KIF6: variants seen among roughly 807,000 people sequenced by gnomAD.
KIF6 encodes kinesin-like protein KIF6.
A neutral mutation model predicts 112.7 loss-of-function variants in KIF6; 106 were observed. The ratio of observed to expected loss-of-function variants is 0.94; its 90% confidence interval spans 0.80 to 1.11. The LOEUF is 1.11. KIF6 is among the 50% of genes least tolerant of loss of function. KIF6 has a pLI of 0.00. For missense variants in KIF6, 929 were observed against 964.0 expected, an observed-to-expected ratio of 0.96 and a Z score of 0.48; for synonymous variants, 339 against 339.9, an observed-to-expected ratio of 1.00 and a Z score of 0.03.
At chr6:39,351,931 C>T (rs924555230) in intron 19 of KIF6, among the ~76,000 whole-genome samples, 8 of 152,070 alleles carry the variant, frequency 5.3e-5, no homozygotes, top group African/African-American at 7.2e-5. Flanking sequence ...GAGAGGGCTC[C>T]GTGTGTGGAA....
At chr6:39,421,748 T>C (rs543239203) in intron 14 of KIF6, among the ~76,000 whole-genome samples, 19 of 152,264 alleles carry the variant, frequency 1.2e-4, no homozygotes, top group African/African-American at 4.6e-4. Context: ...TCATCGTAGA[T>C]TATGTATGTT....
chr6:39,651,597 A>C (rs1300689400), intron 3 of KIF6, among the ~76,000 whole-genome samples: 1 of 152,174 alleles, frequency 6.6e-6, no homozygotes, highest in African/African-American at 2.4e-5. Flanking sequence ...TTAAGTTATG[A>C]GCCTTTTTCT....
chr6:39,557,011 T>C (rs922754543), intron 10 of KIF6, among the ~76,000 whole-genome samples: 14 of 152,150 alleles, frequency 9.2e-5, no homozygotes, highest in Non-Finnish European at 2.1e-4. Flanking sequence ...AATTTTTAAA[T>C]AACAGCTTTG....
intron 3 of KIF6, among the ~76,000 whole-genome samples, chr6:39,675,541 C>T (rs1189961531): frequency 6.6e-6 from 1 of 151,938 alleles, no homozygotes; most frequent in African/African-American, 2.4e-5. Context: ...ACTAGCAGAA[C>T]AGGACTCCAG....
chr6:39,602,963 G>C (rs1273343850), intron 6 of KIF6, among the ~76,000 whole-genome samples: 1 of 152,172 alleles, frequency 6.6e-6, no homozygotes, highest in Non-Finnish European at 1.5e-5. Context: ...TGCGCATATA[G>C]ACAGTCATTA....
chr6:39,346,306 T>A (rs1763799511), intron 20 of KIF6, 170 bp downstream of exon 20: 2 of 695,260 alleles, frequency 2.9e-6, no homozygotes, highest in Middle Eastern at 6.3e-4. Context: ...TCCAATGTAA[T>A]GGTAGTAGAG....
At chr6:39,524,693 C>T (rs1318841398) in intron 13 of KIF6, among the ~76,000 whole-genome samples, 1 of 152,196 alleles carries the variant, frequency 6.6e-6, no homozygotes, top group African/African-American at 2.4e-5. Context: ...GCCTGCCCAG[C>T]TCCAGAGCCC....
At chr6:39,555,917 G>T (rs1582126513) in intron 10 of KIF6, among the ~76,000 whole-genome samples, 1 of 132,562 alleles carries the variant, frequency 7.5e-6, no homozygotes, top group East Asian at 2.1e-4. Context: ...TCACCCCACT[G>T]CACTCCAGCC....
At chr6:39,622,231 T>C (rs936747565) in intron 5 of KIF6, among the ~76,000 whole-genome samples, 9 of 152,098 alleles carry the variant, frequency 5.9e-5, no homozygotes, top group Admixed American at 1.3e-4. Flanking sequence ...CGTTATATTG[T>C]TTTGTCTTTT....
intron 17 of KIF6, 98 bp from the exon 18 acceptor site, chr6:39,360,628 G>A (rs1039589048): frequency 1.9e-5 from 27 of 1,394,100 alleles, no homozygotes; most frequent in African/African-American, 1.7e-4. Flanking sequence ...TCAGAATCCC[G>A]TCAGAGCTGC....
At chr6:39,715,477 A>G (rs1054268074) in intron 2 of KIF6, among the ~76,000 whole-genome samples, 4 of 150,992 alleles carry the variant, frequency 2.6e-5, no homozygotes, top group Non-Finnish European at 4.4e-5. Flanking sequence ...AGCACAGTGG[A>G]ACACTCGGGG....
intron 14 of KIF6, among the ~76,000 whole-genome samples, chr6:39,422,774 T>C (rs927286403): frequency 1.3e-5 from 2 of 152,300 alleles, no homozygotes; most frequent in African/African-American, 4.8e-5. Flanking sequence ...CCTCCTCACT[T>C]ACTCCCTTTC....
At chr6:39,705,985 C>T (rs1317677010) in intron 3 of KIF6, among the ~76,000 whole-genome samples, 2 of 152,212 alleles carry the variant, frequency 1.3e-5, no homozygotes, top group Non-Finnish European at 2.9e-5. Context: ...CTTCATGCTG[C>T]AGAATCAGTG....
In KIF6 at chr6:39,564,598, A is replaced by G. The variant is rs1262094420; in HGVS notation, c.1181+13458T>C. Reference sequence around the variant, plus strand: ...TTCTACAAAAGAGCCTGTGAACACCAGAGGCAAAGGTGAATGCTCAAGCTA... The same window carrying G: ...TTCTACAAAAGAGCCTGTGAACACCGGAGGCAAAGGTGAATGCTCAAGCTA... On this transcript the variant is annotated intron_variant, in intron 10 of 22. Transcript: ENST00000287152. Among the ~76,000 whole-genome samples, 5 of 152,184 alleles carry G rather than the reference A, an allele frequency of 3.3e-5. No individual in the cohort carries two copies. The South Asian group carries it at 6.2e-4, about 19-fold the overall frequency.
rs183736488 is a variant in KIF6 at position 39,399,033 on chromosome 6, C to T, written c.1811-13361G>A. ...CTCCAGAGCAGAATGAATTGTGCCT[C>T]CAGACTGCCTTTGGACTTGACCTGC... On this transcript the variant is annotated intron_variant, in intron 15 of 22. Transcript: ENST00000287152. 2.0e-4 allele frequency among the ~76,000 whole-genome samples: 31 copies of T among 152,322 alleles called. No individual in the cohort carries two copies. The East Asian group carries it at 4.8e-3, about 24-fold the overall frequency.
intron 15 of KIF6, among the ~76,000 whole-genome samples, chr6:39,401,518 G>A (rs185435765): frequency 2.7e-4 from 41 of 152,262 alleles, no homozygotes; most frequent in African/African-American, 8.9e-4. Flanking sequence ...GGAGACTCTA[G>A]GGGCCTGTAG....
chr6:39,604,552 T>C (rs148689987), intron 6 of KIF6, among the ~76,000 whole-genome samples: 2 of 152,300 alleles, frequency 1.3e-5, no homozygotes, highest in African/African-American at 4.8e-5. Context: ...GTTTATAAGA[T>C]ACCTGGCTTT....
In KIF6 at chr6:39,699,928, T is replaced by C. The variant is rs200687564; in HGVS notation, c.251+14764A>G. 3.9e-5 allele frequency among the ~76,000 whole-genome samples: 6 copies of C among 152,348 alleles called. No individual in the cohort carries two copies. In the East Asian group the frequency reaches 1.2e-3, roughly 29 times the overall value. On this transcript the variant is annotated intron_variant, in intron 3 of 22. Coordinates refer to ENST00000287152, the MANE Select transcript of KIF6 (RefSeq NM_145027.6). ...TTTTAGCAACTTCATTTTCAATGGA[T>C]ATAATTGAAAGCAATGTCAATTATT...
intron 3 of KIF6, chr6:39,691,038 G>A (rs1049958343): frequency 1.3e-5 from 2 of 152,162 alleles, no homozygotes; most frequent in African/African-American, 4.8e-5. Context: ...TGCAACATTT[G>A]GGACATATTT....
Sources: gnomAD v4.1 joint callset for allele counts (sites outside exome capture counted in the v4.1 genomes callset) on GRCh38, gnomAD v4.1.1 for gene constraint, MANE v1.5 for transcripts, NCBI Gene and HGNC (gene_info 2026-07-23, HGNC 2026-07-21) for gene names.